Variants in PKIA observed in about 807,000 individuals in gnomAD.
The protein encoded by PKIA is cAMP-dependent protein kinase inhibitor alpha, also known as PKI-alpha.
Under a neutral mutation model 7.6 loss-of-function variants are expected in PKIA, and 4 were observed. That is an observed-to-expected ratio of 0.52 (90% CI 0.26 to 1.20). PKIA has a LOEUF of 1.20. Among genes scored for constraint, PKIA ranks in the 50% most tolerant of loss-of-function variants. The pLI is 0.13. For missense variants in PKIA, 73 were observed against 86.2 expected (o/e 0.85, Z 0.61); for synonymous variants, 21 against 30.7 (o/e 0.68, Z 1.04).
chr8:78,536,899 CACACACACACT>C (rs1806540020), intron 1 of PKIA, among the ~76,000 whole-genome samples: 2 of 137,954 alleles, frequency 1.4e-5, no homozygotes, highest in African/African-American at 5.5e-5. Context: ...CACACACACA[CACACACACACT>C]ACATTTTAAT....
intron 1 of PKIA, among the ~76,000 whole-genome samples, chr8:78,571,261 T>C (rs1414985190): frequency 6.6e-6 from 1 of 152,036 alleles, no homozygotes; most frequent in Non-Finnish European, 1.5e-5. Flanking sequence ...GCATTAGTAC[T>C]TAATTACCTC....
chr8:78,582,547 G>A (rs545102193), intron 2 of PKIA, among the ~76,000 whole-genome samples: 1 of 152,176 alleles, frequency 6.6e-6, no homozygotes, highest in East Asian at 1.9e-4. Context: ...TTCAAGATGT[G>A]ATTTGGGTGG....
At chr8:78,563,718 C>A (rs1427858758) in intron 1 of PKIA, among the ~76,000 whole-genome samples, 1 of 151,704 alleles carries the variant, frequency 6.6e-6, no homozygotes, top group East Asian at 1.9e-4. Flanking sequence ...GTAAATAGGA[C>A]ATGAGGTGTG....
At position 78,604,598 on chromosome 8, in the gene PKIA, A is replaced by G. The variant is rs1365305046; in HGVS notation, c.*2777A>G. 1 of 152,016 alleles carries G rather than the reference A, an allele frequency of 6.6e-6. No homozygotes were observed. The highest frequency in any genetic ancestry group is 6.6e-5 in the Admixed American group (1 of 15,220). The allele number at this position is 152,016 out of a possible 1,614,324, so 9.4% of individuals were successfully genotyped here. On this transcript the variant is annotated 3_prime_UTR_variant, in exon 4 of 4. Transcript: ENST00000396418. ...ATAAAGTATATCTTTTTTAAAAAAA[A>G]GAAATTCAATTATGTCTTATTTGGG...
intron 2 of PKIA, among the ~76,000 whole-genome samples, chr8:78,575,215 C>T (rs193204405): frequency 3.7e-4 from 57 of 152,076 alleles, no homozygotes; most frequent in Non-Finnish European, 5.7e-4. Context: ...ACCACCAAAA[C>T]TAAGAACTGG....
At chr8:78,526,785 T>A (rs1423821527) in intron 1 of PKIA, among the ~76,000 whole-genome samples, 2 of 151,382 alleles carry the variant, frequency 1.3e-5, no homozygotes, top group African/African-American at 4.9e-5. Context: ...AAAAAAAAAA[T>A]AGAGCCTCAC....
chr8:78,554,873 G>T (rs1010097488), intron 1 of PKIA, among the ~76,000 whole-genome samples: 1 of 151,990 alleles, frequency 6.6e-6, no homozygotes, highest in African/African-American at 2.4e-5. Flanking sequence ...GTATTTTGTG[G>T]TTTAAAGAGA....
At chr8:78,528,292 A>G (rs1340532357) in intron 1 of PKIA, among the ~76,000 whole-genome samples, 2 of 152,116 alleles carry the variant, frequency 1.3e-5, no homozygotes, top group African/African-American at 4.8e-5. Flanking sequence ...TTTGTTGATT[A>G]ATGGTGCCTA....
intron 2 of PKIA, among the ~76,000 whole-genome samples, chr8:78,581,366 G>A (rs746352513): frequency 3.9e-5 from 6 of 152,060 alleles, no homozygotes; most frequent in Non-Finnish European, 8.8e-5. Flanking sequence ...ATTATGTTTG[G>A]TGAGAAATAG....
At chr8:78,557,536 A>G in intron 1 of PKIA, among the ~76,000 whole-genome samples, 1 of 152,234 alleles carries the variant, frequency 6.6e-6, no homozygotes. Context: ...GAAGTGTAAA[A>G]GAACTCAGAA....
chr8:78,539,213 G>C (rs921075093), intron 1 of PKIA, among the ~76,000 whole-genome samples: 2 of 152,040 alleles, frequency 1.3e-5, no homozygotes, highest in Non-Finnish European at 2.9e-5. Flanking sequence ...GATAAAAGTG[G>C]TATGTGATAA....
intron 2 of PKIA, among the ~76,000 whole-genome samples, chr8:78,589,269 A>G (rs1469545379): frequency 6.6e-6 from 1 of 152,182 alleles, no homozygotes; most frequent in Non-Finnish European, 1.5e-5. Context: ...AAATTTAAAG[A>G]GCATACAAAA....
At chr8:78,582,171 G>A (rs978216704) in intron 2 of PKIA, among the ~76,000 whole-genome samples, 8 of 140,292 alleles carry the variant, frequency 5.7e-5, no homozygotes, top group African/African-American at 1.1e-4. Flanking sequence ...GCAATATTTC[G>A]TGTTTTTTTT....
At chr8:78,562,860 G>A (rs1354570272) in intron 1 of PKIA, among the ~76,000 whole-genome samples, 1 of 151,366 alleles carries the variant, frequency 6.6e-6, no homozygotes, top group Non-Finnish European at 1.5e-5. Flanking sequence ...AACAGAGACT[G>A]GTATCTGGTA....
At chr8:78,578,864 A>T (rs1055277902) in intron 2 of PKIA, among the ~76,000 whole-genome samples, 10 of 152,018 alleles carry the variant, frequency 6.6e-5, no homozygotes, top group African/African-American at 1.4e-4. Context: ...TCCCATATTC[A>T]TACCTCTAGC....
intron 1 of PKIA, among the ~76,000 whole-genome samples, chr8:78,551,981 T>A (rs1806995909): frequency 6.6e-6 from 1 of 151,976 alleles, no homozygotes; most frequent in African/African-American, 2.4e-5. Context: ...TGTCTCTGTA[T>A]GTCAGGACAA....
intron 1 of PKIA, among the ~76,000 whole-genome samples, chr8:78,549,066 A>T (rs1806911461): frequency 6.6e-6 from 1 of 152,078 alleles, no homozygotes; most frequent in Admixed American, 6.6e-5. Context: ...TAACTCTGTC[A>T]CTTATTTACA....
chr8:78,533,019 C>T (rs1806433237), intron 1 of PKIA, among the ~76,000 whole-genome samples: 1 of 152,128 alleles, frequency 6.6e-6, no homozygotes. Flanking sequence ...TCCTTGAAGC[C>T]TAGACCTTCA....
chr8:78,588,251 C>T (rs574758160), intron 2 of PKIA, among the ~76,000 whole-genome samples: 11 of 152,162 alleles, frequency 7.2e-5, no homozygotes, highest in African/African-American at 2.2e-4. Context: ...GAGGCTGAGG[C>T]GGGTGGATCA....
Sources: allele counts gnomAD v4.1 joint callset (sites outside exome capture counted in the v4.1 genomes callset), GRCh38; gene constraint gnomAD v4.1.1; transcripts MANE v1.5; gene names NCBI Gene and HGNC (gene_info 2026-07-23, HGNC 2026-07-21).